Variants in PCOLCE2 observed in about 807,000 individuals in gnomAD.
PCOLCE2 encodes the protein procollagen C-endopeptidase enhancer 2.
Under a neutral mutation model 47.0 loss-of-function variants are expected in PCOLCE2, and 42 were observed. That is an observed-to-expected ratio of 0.89 (90% confidence interval 0.70 to 1.16). PCOLCE2 has a LOEUF of 1.16. Ranked by LOEUF, PCOLCE2 falls within the 50% of genes most tolerant of loss-of-function variation. The pLI, the probability that PCOLCE2 is intolerant of heterozygous loss-of-function variation, is 0.00. For missense variants in PCOLCE2, 500 were observed against 526.1 expected (o/e 0.95, Z 0.49); for synonymous variants, 169 against 191.7 (o/e 0.88, Z 0.98).
rs553417791 is a variant in PCOLCE2 at position 142,842,033 on chromosome 3, G to C, written c.573+891C>G. Among the ~76,000 whole-genome samples, 93 of 152,304 alleles carry C rather than the reference G, an allele frequency of 6.1e-4. No homozygotes were observed. Among genetic ancestry groups the C allele is most frequent in the African/African-American group, 2.2e-3 (91 of 41,566 alleles). ...AATACTGGAAAAGTCGACCTTCTCT[G>C]TTGATTATTTCAGAACAATGAATGA... On this transcript the variant is annotated intron_variant, in intron 4 of 8. Transcript: ENST00000295992. This position sits in a 1 kb window ranked among gnomAD's most constrained non-coding sequence, Gnocchi z 4.1.
chr3:142,883,191 T>C (rs1319046011), intron 2 of PCOLCE2, among the ~76,000 whole-genome samples: 1 of 95,020 alleles, frequency 1.1e-5, no homozygotes, highest in East Asian at 3.2e-4. Context: ...AGAGCGAGAC[T>C]CCGTCTCAAA....
intron 2 of PCOLCE2, among the ~76,000 whole-genome samples, chr3:142,854,759 A>G (rs1439585789): frequency 6.6e-6 from 1 of 152,168 alleles, no homozygotes; most frequent in Non-Finnish European, 1.5e-5. Flanking sequence ...CTTCACCTTA[A>G]TTATAGTTCA....
intron 7 of PCOLCE2, 51 bp downstream of exon 7, chr3:142,823,481 G>T: frequency 9.5e-7 from 1 of 1,047,434 alleles, no homozygotes; most frequent in Non-Finnish European, 1.5e-6. Context: ...GATTAAGCAT[G>T]CAGCCTCAAG....
Position 142,888,850 on chromosome 3 carries a change from G to A in PCOLCE2, c.47C>T (p.Ala16Val). Residue 16 changes from alanine (A) to valine (V), a missense_variant, in exon 1 of 9, where the codon GCC becomes GTC. By Grantham distance (64) the Ala-to-Val change is moderately conservative. Coordinates refer to ENST00000295992, the MANE Select transcript of PCOLCE2 (RefSeq NM_013363.4). ...CTGCTGCCGCGAGAGCTGGGTGGCG[G>A]CAGCCAGCAGCAGGCAGAGTGGCGC... Reference protein sequence around the residue: ...AWAPLCLLLAAATQLSRQQSP... With the variant: ...AWAPLCLLLAVATQLSRQQSP... 3 of 1,545,308 alleles carry A rather than the reference G, an allele frequency of 1.9e-6. No homozygotes were observed. Among genetic ancestry groups the A allele is most frequent in the Admixed American group, 2.0e-5 (1 of 50,722 alleles).
chr3:142,835,292 T>G (rs1241618292), intron 5 of PCOLCE2, among the ~76,000 whole-genome samples: 2 of 152,224 alleles, frequency 1.3e-5, no homozygotes, highest in Non-Finnish European at 1.5e-5. Flanking sequence ...ATTTTACAAT[T>G]ATTACATCTG....
In PCOLCE2 at chr3:142,842,893, A is replaced by G. The variant is rs1937279572; in HGVS notation, c.573+31T>C. 6.2e-7 allele frequency: 1 copy of G among 1,612,782 alleles called. No homozygotes were observed. Among genetic ancestry groups the G allele is most frequent in the East Asian group, 2.2e-5 (1 of 44,870 alleles). On this transcript the variant is annotated intron_variant, in intron 4 of 8. Transcript: ENST00000295992. This position sits in a 1 kb window ranked among gnomAD's most constrained non-coding sequence, Gnocchi z 4.1. ...CCCACACTGGGCAATTCACACATGC[A>G]TGCTTTCTTCACACTTCCAGGGAAT...
chr3:142,839,315 A>ATT (rs56746491), intron 4 of PCOLCE2, among the ~76,000 whole-genome samples: 2 of 146,310 alleles, frequency 1.4e-5, no homozygotes, highest in Non-Finnish European at 1.5e-5. Context: ...CTGAGAGTAA[A>ATT]TTTTTTTTTT....
intron 2 of PCOLCE2, among the ~76,000 whole-genome samples, chr3:142,865,513 G>C (rs142172000): frequency 6.6e-6 from 1 of 152,148 alleles, no homozygotes; most frequent in African/African-American, 2.4e-5. Flanking sequence ...TACAAAATAA[G>C]TGAGTTGACA....
At position 142,829,796 on chromosome 3, in the gene PCOLCE2, A is replaced by G. The variant is rs1560130776; in HGVS notation, c.761T>C (p.Leu254Ser). ...NELLIQFLSD[L>S]SLTADGFIGH... ...AATAAACCCATCTGCAGTTAAACTTAAGTCTGATAAAAACTGAATAAGAAG... is the reference window on the plus strand; with the variant it reads ...AATAAACCCATCTGCAGTTAAACTTGAGTCTGATAAAAACTGAATAAGAAG... Residue 254 changes from leucine (L) to serine (S), a missense_variant, in exon 6 of 9, where the codon TTA becomes TCA. Physicochemically the swap from Leu to Ser is moderately radical, Grantham distance 145 (BLOSUM62 -2). Transcript: ENST00000295992. 1 of 1,605,486 alleles carries G rather than the reference A, an allele frequency of 6.2e-7. No homozygotes were observed. The highest frequency in any genetic ancestry group is 8.5e-7 in the Non-Finnish European group (1 of 1,174,192).
In PCOLCE2 at chr3:142,887,757, CCACCA is replaced by C. The variant is rs1376825927; in HGVS notation, c.99_103del (p.Cys33TrpfsTer13). ...AAATCCAGACTCTCCAGTAAGAATG[CCACCA>C]CATGTGAAAACAGGTCTGGGAACAT... is the stretch of plus-strand genomic sequence containing the variant. On this transcript the variant is annotated frameshift_variant, in exon 2 of 9. Transcript: ENST00000295992. LOFTEE classifies it high-confidence loss of function. The C allele has an allele frequency of 6.3e-7, 1 of 1,599,174 alleles. No homozygotes were observed. Among genetic ancestry groups the C allele is most frequent in the African/African-American group, 1.3e-5 (1 of 74,600 alleles).
At chr3:142,833,158 T>C (rs1463017602) in intron 5 of PCOLCE2, among the ~76,000 whole-genome samples, 1 of 151,940 alleles carries the variant, frequency 6.6e-6, no homozygotes. Flanking sequence ...ACGTCATAAA[T>C]GAAAGGGTAC....
At position 142,842,807 on chromosome 3, in the gene PCOLCE2, T is replaced by C; in HGVS notation, c.573+117A>G. The C allele has an allele frequency of 1.1e-6, 1 of 943,242 alleles. No homozygotes were observed. Among genetic ancestry groups the C allele is most frequent in the South Asian group, 1.6e-5 (1 of 62,258 alleles). 58.4% of individuals were successfully genotyped at this position (943,242 alleles called of 1,614,324 possible). On this transcript the variant is annotated intron_variant, in intron 4 of 8. Coordinates refer to ENST00000295992, the MANE Select transcript of PCOLCE2 (RefSeq NM_013363.4). This position sits in a 1 kb window ranked among gnomAD's most constrained non-coding sequence, Gnocchi z 4.1. ...CCTGTGTCCAGGAACCTTCCTCTTC[T>C]TGTATCCCTTAGCTCTCGAATAGCC...
At chr3:142,888,766 G>T in intron 1 of PCOLCE2, 48 bp downstream of exon 1, 1 of 1,146,936 alleles carries the variant, frequency 8.7e-7, no homozygotes, top group Non-Finnish European at 1.2e-6. Flanking sequence ...CTGCAGGGGT[G>T]GAGGAAGGGA....
At chr3:142,863,528 A>G (rs995782525) in intron 2 of PCOLCE2, among the ~76,000 whole-genome samples, 19 of 152,142 alleles carry the variant, frequency 1.2e-4, no homozygotes, top group African/African-American at 4.6e-4. Flanking sequence ...TTTACAAGAG[A>G]AAACAACGTC....
intron 2 of PCOLCE2, among the ~76,000 whole-genome samples, chr3:142,859,040 T>C (rs1402204380): frequency 1.3e-5 from 2 of 151,966 alleles, no homozygotes; most frequent in Non-Finnish European, 2.9e-5. Context: ...AGGAGCCTTT[T>C]TGTCATACAA....
intron 2 of PCOLCE2, among the ~76,000 whole-genome samples, chr3:142,881,608 C>T (rs1348085217): frequency 2.6e-5 from 4 of 152,176 alleles, no homozygotes; most frequent in Non-Finnish European, 4.4e-5. Flanking sequence ...GGCTACGACA[C>T]TGTACAGCAT....
chr3:142,854,247 T>A (rs1933016905), intron 2 of PCOLCE2, among the ~76,000 whole-genome samples: 1 of 152,168 alleles, frequency 6.6e-6, no homozygotes, highest in Non-Finnish European at 1.5e-5. Flanking sequence ...TCTTCTACGA[T>A]TTCCCTCTTC....
intron 5 of PCOLCE2, among the ~76,000 whole-genome samples, chr3:142,838,439 C>T (rs1025317577): frequency 2.6e-5 from 4 of 152,140 alleles, no homozygotes; most frequent in African/African-American, 9.7e-5. Context: ...CACCTCCCCT[C>T]GACCTTGCTT....
rs770673509 is a variant in PCOLCE2 at position 142,818,304 on chromosome 3, A to G, written c.*31T>C. On this transcript the variant is annotated 3_prime_UTR_variant, in exon 9 of 9. Transcript: ENST00000295992. ...ACATAGATCTTTCAAAGGCAATGGC[A>G]GAATACAGCTTAAATGGACACAGTT... The G allele has an allele frequency of 1.2e-6, 2 of 1,601,004 alleles. No individual in the cohort carries two copies. Among genetic ancestry groups the G allele is most frequent in the Non-Finnish European group, 1.7e-6 (2 of 1,168,684 alleles).
Sources: gnomAD v4.1 joint callset for allele counts (sites outside exome capture counted in the v4.1 genomes callset) on GRCh38, gnomAD v4.1.1 for gene constraint, Gnocchi (gnomAD v3.1) non-coding constraint, MANE v1.5 for transcripts, NCBI Gene and HGNC (gene_info 2026-07-23, HGNC 2026-07-21) for gene names.